NLRP11: variants seen among roughly 807,000 people sequenced by gnomAD.
NLRP11 encodes the protein NLR family pyrin domain containing 11.
A neutral mutation model predicts 79.3 loss-of-function variants in NLRP11; 53 were observed. The observed-to-expected ratio is 0.67, with a 90% CI of 0.54 to 0.84. The LOEUF is 0.84. Ranked by LOEUF, NLRP11 falls within the 40% of genes least tolerant of loss-of-function variation. NLRP11 has a pLI of 0.00. For missense variants in NLRP11, 1,264 were observed against 1,255.0 expected (o/e 1.01, Z -0.11); for synonymous variants, 518 against 462.6 (o/e 1.12, Z -1.54).
chr19:55,798,324 A>G, intron 5 of NLRP11: 3 of 985,194 alleles, frequency 3.0e-6, no homozygotes, highest in Non-Finnish European at 2.4e-6. Context: ...ATGAAAGTGA[A>G]AGCCGTTGAG....
chr19:55,818,966 C>T (rs1284827846), intron 1 of NLRP11, among the ~76,000 whole-genome samples: 1 of 152,048 alleles, frequency 6.6e-6, no homozygotes, highest in Non-Finnish European at 1.5e-5. Flanking sequence ...GATGTTTAGC[C>T]ATGTAGAGCC....
chr19:55,786,460 G>A (rs1989885461), intron 9 of NLRP11, among the ~76,000 whole-genome samples: 1 of 152,078 alleles, frequency 6.6e-6, no homozygotes, highest in South Asian at 2.1e-4. Context: ...GGTCAAGGCT[G>A]CAGTGAGCCA....
At chr19:55,814,289 A>T (rs1354928008) in intron 2 of NLRP11, among the ~76,000 whole-genome samples, 7 of 152,158 alleles carry the variant, frequency 4.6e-5, no homozygotes, top group African/African-American at 1.7e-4. Flanking sequence ...AAATGAGCTC[A>T]GGGCTCCCAG....
intron 4 of NLRP11, among the ~76,000 whole-genome samples, chr19:55,804,783 G>A (rs1162546290): frequency 6.6e-6 from 1 of 150,580 alleles, no homozygotes; most frequent in African/African-American, 2.5e-5. Flanking sequence ...AACAATTCAC[G>A]GCTGGGTGCG....
intron 6 of NLRP11, among the ~76,000 whole-genome samples, chr19:55,794,768 A>T (rs113395566): frequency 0.03 from 4,540 of 152,268 alleles, 167 homozygotes; most frequent in African/African-American, 0.089. Context: ...TCAAAAAAAA[A>T]AAATAAATAA....
chr19:55,792,209 A>G (rs1990273136), intron 7 of NLRP11, 92 bp downstream of exon 7: 1 of 1,083,268 alleles, frequency 9.2e-7, no homozygotes. Flanking sequence ...CCATGATGCC[A>G]TCACTGGAAT....
chr19:55,785,556 T>C, exon 10 of NLRP11: 4 of 1,393,824 alleles, frequency 2.9e-6, no homozygotes, highest in South Asian at 1.4e-5. Context: ...AGGAAAATTA[T>C]AGTCCTAATT....
chr19:55,789,109 C>T (rs1990083291), intron 8 of NLRP11, 120 bp downstream of exon 8: 1 of 1,377,042 alleles, frequency 7.3e-7, no homozygotes, highest in Admixed American at 2.0e-5. Context: ...CAATAAGAGT[C>T]CCATTTCAAA....
At chr19:55,805,005 G>A (rs7257680) in intron 4 of NLRP11, among the ~76,000 whole-genome samples, 2,378 of 40,878 alleles carry the variant, frequency 0.058, 63 homozygotes, top group African/African-American at 0.19. Flanking sequence ...GGAGGTTGCA[G>A]TGAGCTGAGA....
intron 1 of NLRP11, among the ~76,000 whole-genome samples, chr19:55,828,406 T>TA (rs1339200341): frequency 1.3e-5 from 2 of 149,706 alleles, no homozygotes; most frequent in Non-Finnish European, 2.9e-5. Flanking sequence ...CCCTAAAACT[T>TA]AAAGTATAAT....
intron 6 of NLRP11, among the ~76,000 whole-genome samples, chr19:55,794,327 A>G (rs951847333): frequency 6.6e-6 from 1 of 152,218 alleles, no homozygotes; most frequent in Non-Finnish European, 1.5e-5. Context: ...GATGAAAAAA[A>G]TATCTATTTG....
intron 7 of NLRP11, among the ~76,000 whole-genome samples, chr19:55,790,616 T>C (rs768024958): frequency 1.3e-5 from 2 of 152,230 alleles, no homozygotes; most frequent in African/African-American, 2.4e-5. Context: ...ATAGAATGTA[T>C]ATTAAATACT....
intron 5 of NLRP11, 63 bp from the exon 6 acceptor site, chr19:55,796,313 T>TTA: frequency 9.9e-7 from 1 of 1,013,222 alleles, no homozygotes; most frequent in South Asian, 1.8e-5. Flanking sequence ...TCTTTTAAAT[T>TTA]AAAAAAAAAA....
chr19:55,799,984 CA>C, intron 5 of NLRP11, among the ~76,000 whole-genome samples: 1 of 151,858 alleles, frequency 6.6e-6, no homozygotes, highest in South Asian at 2.1e-4. Flanking sequence ...AAAATGAAAA[CA>C]AAAACAAAAA....
upstream of NLRP11, among the ~76,000 whole-genome samples, chr19:55,835,656 A>G (rs1012188918): frequency 7.0e-6 from 1 of 143,392 alleles, no homozygotes; most frequent in Non-Finnish European, 1.5e-5. Flanking sequence ...AGCCTGGCCA[A>G]CATGGTGAAA....
intron 7 of NLRP11, among the ~76,000 whole-genome samples, chr19:55,791,204 G>C (rs978385598): frequency 3.3e-5 from 5 of 152,054 alleles, no homozygotes; most frequent in African/African-American, 1.2e-4. Flanking sequence ...GCCTGTTATA[G>C]AAAAAGGTTT....
intron 4 of NLRP11, among the ~76,000 whole-genome samples, chr19:55,802,154 C>T (rs918141407): frequency 6.6e-5 from 10 of 152,140 alleles, no homozygotes; most frequent in African/African-American, 2.4e-4. Flanking sequence ...TCCGTTTCAG[C>T]AGTCCCAGCC....
At chr19:55,816,132 C>T (rs1242824699) in intron 2 of NLRP11, among the ~76,000 whole-genome samples, 2 of 152,188 alleles carry the variant, frequency 1.3e-5, no homozygotes, top group Non-Finnish European at 2.9e-5. Flanking sequence ...CAAACTACTT[C>T]TTCATTCTAA....
At chr19:55,808,653 G>A in intron 3 of NLRP11, 116 bp downstream of exon 3, 2 of 899,386 alleles carry the variant, frequency 2.2e-6, no homozygotes. Flanking sequence ...TTAGAAGCTA[G>A]ATTGGAAGTC....
Sources: gnomAD v4.1 joint callset for allele counts (sites outside exome capture counted in the v4.1 genomes callset) on GRCh38, gnomAD v4.1.1 for gene constraint, MANE v1.5 for transcripts, NCBI Gene and HGNC (gene_info 2026-07-23, HGNC 2026-07-21) for gene names.